The following PLCB4 variants were observed in gnomAD, a reference collection of about 807,000 sequenced individuals.
PLCB4 encodes 1-phosphatidylinositol 4,5-bisphosphate phosphodiesterase beta-4.
A neutral mutation model predicts 178.8 loss-of-function variants in PLCB4; 77 were observed. The ratio of observed to expected loss-of-function variants is 0.43; its 90% CI spans 0.36 to 0.52. PLCB4 has a LOEUF of 0.52. Ranked by LOEUF, PLCB4 falls within the 20% of genes least tolerant of loss-of-function variation. The pLI, the probability that PLCB4 is intolerant of heterozygous loss-of-function variation, is 0.00. For synonymous variants in PLCB4, 496 were observed against 490.8 expected (o/e 1.01, Z -0.14); for missense variants, 1,024 against 1,453.4 (o/e 0.70, Z 4.80).
At chr20:9,109,566 T>A (rs543513668) in intron 2 of PLCB4, among the ~76,000 whole-genome samples, 1 of 151,936 alleles carries the variant, frequency 6.6e-6, no homozygotes, top group Non-Finnish European at 1.5e-5. Flanking sequence ...TTACCTACAA[T>A]ACACATATTC....
intron 2 of PLCB4, among the ~76,000 whole-genome samples, chr20:9,161,872 G>A (rs985019578): frequency 3.9e-5 from 6 of 152,102 alleles, no homozygotes; most frequent in South Asian, 2.1e-4. Flanking sequence ...TCTGTGATAC[G>A]AAAAGATAAT....
At chr20:9,097,107 G>A (rs1479926899) in intron 2 of PLCB4, among the ~76,000 whole-genome samples, 1 of 151,556 alleles carries the variant, frequency 6.6e-6, no homozygotes, top group African/African-American at 2.4e-5. Flanking sequence ...GCTAATTTTT[G>A]TATCTCTAGT....
At position 9,078,227 on chromosome 20, in the gene PLCB4, C is replaced by A. The variant is rs2089970322; in HGVS notation, c.-135+9021C>A. On this transcript the variant is annotated intron_variant, in intron 1 of 39. Coordinates refer to ENST00000378473, the MANE Select transcript of PLCB4 (RefSeq NM_001377142.1). ...AACTCCTAGGCTCAAGCAGTCCCCC[C>A]ACCTCAGCCTTCCAAAGTGTTGGGA... is the stretch of plus-strand genomic sequence containing the variant. Among the ~76,000 whole-genome samples, 3 of 152,256 alleles carry A rather than the reference C, an allele frequency of 2.0e-5. No homozygotes were observed. In the South Asian group the frequency reaches 6.2e-4, roughly 32 times the overall value.
chr20:9,383,506 G>A (rs1170522000), intron 13 of PLCB4, among the ~76,000 whole-genome samples: 1 of 152,188 alleles, frequency 6.6e-6, no homozygotes, highest in Non-Finnish European at 1.5e-5. Flanking sequence ...CATAAATACT[G>A]ATTGTTGCTC....
At chr20:9,406,196 A>T (rs1049014641) in intron 21 of PLCB4, among the ~76,000 whole-genome samples, 1 of 151,964 alleles carries the variant, frequency 6.6e-6, no homozygotes, top group Non-Finnish European at 1.5e-5. Context: ...AGTGGGTAGG[A>T]CTCTAATCCT....
chr20:9,313,433 G>C (rs2094860075), intron 4 of PLCB4, among the ~76,000 whole-genome samples: 1 of 152,168 alleles, frequency 6.6e-6, no homozygotes. Flanking sequence ...GTTGGTAGTT[G>C]ATGTACAATA....
At position 9,400,302 on chromosome 20, in the gene PLCB4, A is replaced by T. The variant is rs577082046; in HGVS notation, c.1511-1188A>T. On this transcript the variant is annotated intron_variant, in intron 19 of 39. Transcript: ENST00000378473. ...ACCAGTTGAAAGATACCACTGTTTT[A>T]TTATGACTAAGAAAGAAAAAGTAGT... Among the ~76,000 whole-genome samples, 297 of 152,328 alleles carry T rather than the reference A, an allele frequency of 1.9e-3. 1 individual carries two copies. Among genetic ancestry groups the T allele is most frequent in the African/African-American group, 5.7e-3 (236 of 41,578 alleles).
chr20:9,261,131 G>A (rs1339910259), intron 3 of PLCB4, among the ~76,000 whole-genome samples: 3 of 152,026 alleles, frequency 2.0e-5, no homozygotes, highest in African/African-American at 7.2e-5. Flanking sequence ...AGTGTAAGAA[G>A]CATGTGAGCA....
intron 3 of PLCB4, among the ~76,000 whole-genome samples, chr20:9,248,283 G>C (rs1012555586): frequency 6.6e-6 from 1 of 152,096 alleles, no homozygotes; most frequent in Admixed American, 6.6e-5. Flanking sequence ...TTGAACGCCA[G>C]CATTTTTTTA....
At chr20:9,166,919 T>A (rs929141068) in intron 2 of PLCB4, among the ~76,000 whole-genome samples, 1 of 152,176 alleles carries the variant, frequency 6.6e-6, no homozygotes, top group Non-Finnish European at 1.5e-5. Context: ...TTATTATTAC[T>A]TTTTTCTTTA....
At chr20:9,174,459 T>C (rs2093120439) in intron 2 of PLCB4, among the ~76,000 whole-genome samples, 1 of 151,876 alleles carries the variant, frequency 6.6e-6, no homozygotes, top group African/African-American at 2.4e-5. Context: ...CTTCTTTTTT[T>C]TTTTTTTCTT....
chr20:9,240,029 T>A (rs1681941954), intron 3 of PLCB4, among the ~76,000 whole-genome samples: 2 of 152,178 alleles, frequency 1.3e-5, no homozygotes, highest in Admixed American at 6.5e-5. Flanking sequence ...TGAGGGTGGG[T>A]CTGCCTCTCC....
At position 9,390,751 on chromosome 20, in the gene PLCB4, A is replaced by T; in HGVS notation, c.1323+136A>T. ...AAATTCTTTGGTACGGAAAGCTTAC[A>T]TCATGCTTCAGAGGGATGTAAAGAG... On this transcript the variant is annotated intron_variant, in intron 17 of 39. Transcript: ENST00000378473. The T allele has an allele frequency of 5.6e-6, 3 of 539,004 alleles. No individual in the cohort carries two copies. The South Asian group carries it at 7.9e-5, about 14-fold the overall frequency. 33.4% of individuals were successfully genotyped at this position (539,004 alleles called of 1,614,324 possible). A position where few individuals can be genotyped will look rare whatever the true frequency, so the allele number is the denominator to read the frequency against.
intron 3 of PLCB4, among the ~76,000 whole-genome samples, chr20:9,256,103 T>C (rs2094232510): frequency 1.3e-5 from 2 of 152,132 alleles, no homozygotes; most frequent in Non-Finnish European, 2.9e-5. Flanking sequence ...TATACATATG[T>C]CTGGAGGGGC....
intron 2 of PLCB4, among the ~76,000 whole-genome samples, chr20:9,155,061 C>T (rs1600764095): frequency 6.6e-6 from 1 of 151,528 alleles, no homozygotes; most frequent in South Asian, 2.1e-4. Context: ...AAGCAGTGTA[C>T]ATTGTACTTA....
At chr20:9,407,641 C>T (rs553425444) in intron 21 of PLCB4, among the ~76,000 whole-genome samples, 34 of 152,208 alleles carry the variant, frequency 2.2e-4, no homozygotes, top group Admixed American at 1.3e-3. Flanking sequence ...CCACCGTTCC[C>T]GGCCAGTAAT....
At position 9,301,234 on chromosome 20, in the gene PLCB4, C is replaced by T. The variant is rs138998096; in HGVS notation, c.-15-6566C>T. Among the ~76,000 whole-genome samples the T allele has an allele frequency of 1.1e-3, 164 of 151,932 alleles. 1 individual carries two copies. The highest frequency in any genetic ancestry group is 3.4e-3 in the African/African-American group (142 of 41,452). ...CCTTTTTGCCCTGTAAGGTAACATT[C>T]GCGAGTTGCAGCAGTTAGGAGGTGG... On this transcript the variant is annotated intron_variant, in intron 3 of 39. Coordinates refer to ENST00000378473, the MANE Select transcript of PLCB4 (RefSeq NM_001377142.1).
intron 27 of PLCB4, among the ~76,000 whole-genome samples, chr20:9,423,166 A>G (rs2040763077): frequency 6.6e-6 from 1 of 152,240 alleles, no homozygotes; most frequent in African/African-American, 2.4e-5. Flanking sequence ...ACTCTATTTA[A>G]CATCCCAACA....
intron 2 of PLCB4, among the ~76,000 whole-genome samples, chr20:9,136,646 T>C (rs1285637692): frequency 1.3e-5 from 2 of 152,116 alleles, no homozygotes; most frequent in Non-Finnish European, 2.9e-5. Flanking sequence ...TGGCAACTTC[T>C]GTGTGCACTC....
Sources: gnomAD v4.1 joint callset for allele counts (sites outside exome capture counted in the v4.1 genomes callset) on GRCh38, gnomAD v4.1.1 for gene constraint, MANE v1.5 for transcripts, NCBI Gene and HGNC (gene_info 2026-07-23, HGNC 2026-07-21) for gene names.